PDE8A: variants seen among roughly 807,000 people sequenced by gnomAD.
PDE8A encodes high affinity cAMP-specific and IBMX-insensitive 3',5'-cyclic phosphodiesterase 8A.
PDE8A carries 59 observed loss-of-function variants against 105.0 expected under a neutral mutation model. That is an observed-to-expected ratio of 0.56 (90% confidence interval 0.46 to 0.70). PDE8A has a LOEUF of 0.70. Ranked by LOEUF, PDE8A falls within the 30% of genes least tolerant of loss-of-function variation. PDE8A has a pLI of 0.00. For missense variants in PDE8A, 1,014 were observed against 1,045.9 expected (o/e 0.97, Z 0.42); for synonymous variants, 355 against 371.9 (o/e 0.95, Z 0.52).
At chr15:85,011,261 A>C (rs768766174) in intron 1 of PDE8A, among the ~76,000 whole-genome samples, 1 of 152,222 alleles carries the variant, frequency 6.6e-6, no homozygotes, top group African/African-American at 2.4e-5. Context: ...CGAATTGAAG[A>C]TGAGACATTT....
chr15:85,108,133 CTT>C (rs1407717248), intron 11 of PDE8A, among the ~76,000 whole-genome samples: 1 of 152,180 alleles, frequency 6.6e-6, no homozygotes, highest in Non-Finnish European at 1.5e-5. Flanking sequence ...CACATTCACT[CTT>C]TAGTGCCCAC....
At chr15:85,039,551 A>T (rs2141391334) in intron 1 of PDE8A, among the ~76,000 whole-genome samples, 1 of 148,086 alleles carries the variant, frequency 6.8e-6, no homozygotes, top group African/African-American at 2.5e-5. Flanking sequence ...GGAGGTTCCT[A>T]AAAAAAAAAC....
chr15:85,104,472 G>A (rs190230742), intron 11 of PDE8A, among the ~76,000 whole-genome samples: 13 of 152,028 alleles, frequency 8.6e-5, no homozygotes, highest in Admixed American at 7.2e-4. Context: ...CAGGTCTTAG[G>A]AAGACAGTCA....
intron 17 of PDE8A, among the ~76,000 whole-genome samples, chr15:85,119,377 A>C (rs2082144330): frequency 6.8e-6 from 1 of 147,910 alleles, no homozygotes. Flanking sequence ...CTGAGGCAGG[A>C]GAATCACTTG....
At chr15:85,029,854 G>A (rs2141371401) in intron 1 of PDE8A, among the ~76,000 whole-genome samples, 1 of 152,296 alleles carries the variant, frequency 6.6e-6, no homozygotes, top group South Asian at 2.1e-4. Flanking sequence ...TGGAAGTCAA[G>A]TGTCACTCAT....
chr15:85,009,933 T>C (rs895064822), intron 1 of PDE8A, among the ~76,000 whole-genome samples: 4 of 152,230 alleles, frequency 2.6e-5, no homozygotes, highest in Non-Finnish European at 5.9e-5. Flanking sequence ...TGAAACACTT[T>C]ATAGCAATGG....
At chr15:85,131,262 T>G (rs1378167528) in intron 20 of PDE8A, among the ~76,000 whole-genome samples, 2 of 152,232 alleles carry the variant, frequency 1.3e-5, no homozygotes, top group Non-Finnish European at 2.9e-5. Flanking sequence ...GCTTTTGAGT[T>G]GAATCTATTT....
intron 19 of PDE8A, among the ~76,000 whole-genome samples, chr15:85,125,426 A>G (rs1043361045): frequency 7.9e-5 from 12 of 152,152 alleles, no homozygotes; most frequent in Non-Finnish European, 1.8e-4. Context: ...GTTCTATTAC[A>G]TCATAAATTG....
upstream of PDE8A, chr15:84,980,484 C>T (rs1033121696): frequency 1.3e-5 from 2 of 152,360 alleles, no homozygotes; most frequent in South Asian, 2.1e-4. Flanking sequence ...AGGGTCGCTC[C>T]AGGGCCGCGC....
At chr15:85,067,463 A>G (rs1745719938) in intron 3 of PDE8A, among the ~76,000 whole-genome samples, 1 of 152,226 alleles carries the variant, frequency 6.6e-6, no homozygotes, top group African/African-American at 2.4e-5. Context: ...AATGTAATTA[A>G]CCACAAGTAT....
rs2082441580 is a variant in PDE8A at position 85,138,092 on chromosome 15, A to G, written c.*189A>G. ...TCCAATGCCATTACTGTCAAGTGAGACTTGGCCACTGTAGCCTGGGCCTGC... is the reference window on the plus strand; with the variant it reads ...TCCAATGCCATTACTGTCAAGTGAGGCTTGGCCACTGTAGCCTGGGCCTGC... On this transcript the variant is annotated 3_prime_UTR_variant, in exon 22 of 22. Coordinates refer to ENST00000394553, the MANE Select transcript of PDE8A (RefSeq NM_002605.3). 4 of 527,612 alleles carry G rather than the reference A, an allele frequency of 7.6e-6. No individual in the cohort carries two copies. The highest frequency in any genetic ancestry group is 1.4e-5 in the Non-Finnish European group (4 of 295,296). The allele number at this position is 527,612 out of a possible 1,614,324, so 32.7% of individuals were successfully genotyped here. A position where few individuals can be genotyped will look rare whatever the true frequency, so the allele number is the denominator to read the frequency against.
chr15:85,107,178 A>C (rs1464530838), intron 11 of PDE8A, among the ~76,000 whole-genome samples: 1 of 152,220 alleles, frequency 6.6e-6, no homozygotes, highest in Non-Finnish European at 1.5e-5. Flanking sequence ...AACCAGGCGA[A>C]GAAGGTGGCA....
intron 1 of PDE8A, among the ~76,000 whole-genome samples, chr15:85,004,329 A>G (rs2080111602): frequency 6.6e-6 from 1 of 152,150 alleles, no homozygotes; most frequent in African/African-American, 2.4e-5. Flanking sequence ...AGGACATGGA[A>G]TTCATCTGGT....
At chr15:85,130,142 C>A (rs2082310757) in intron 20 of PDE8A, among the ~76,000 whole-genome samples, 1 of 152,112 alleles carries the variant, frequency 6.6e-6, no homozygotes, top group South Asian at 2.1e-4. Context: ...GGCAGGAGAG[C>A]AGGGGGAATT....
At chr15:85,011,143 T>C (rs1835651364) in intron 1 of PDE8A, among the ~76,000 whole-genome samples, 1 of 152,326 alleles carries the variant, frequency 6.6e-6, no homozygotes, top group African/African-American at 2.4e-5. Context: ...CTCTGAACTT[T>C]AGCTGTTCTT....
intron 2 of PDE8A, among the ~76,000 whole-genome samples, chr15:85,065,546 T>G (rs935676964): frequency 6.6e-6 from 1 of 151,858 alleles, no homozygotes; most frequent in African/African-American, 2.4e-5. Context: ...TCCCCGCACA[T>G]GAACATGTTT....
intron 20 of PDE8A, among the ~76,000 whole-genome samples, chr15:85,136,039 T>C (rs888667206): frequency 1.3e-5 from 2 of 152,042 alleles, no homozygotes; most frequent in Non-Finnish European, 2.9e-5. Context: ...AAAGAACAGA[T>C]CTTTTTCTTT....
chr15:85,111,620 C>T (rs1176431418), intron 12 of PDE8A, among the ~76,000 whole-genome samples: 2 of 152,170 alleles, frequency 1.3e-5, no homozygotes, highest in Non-Finnish European at 2.9e-5. Flanking sequence ...ATATCTGATA[C>T]CTGGTAGTAG....
intron 1 of PDE8A, among the ~76,000 whole-genome samples, chr15:85,002,364 T>C (rs1369221043): frequency 6.6e-6 from 1 of 152,168 alleles, no homozygotes; most frequent in Admixed American, 6.5e-5. Flanking sequence ...TATTAAAGGA[T>C]ACAAATGAAC....
Sources: gnomAD v4.1 joint callset for allele counts (sites outside exome capture counted in the v4.1 genomes callset) on GRCh38, gnomAD v4.1.1 for gene constraint, MANE v1.5 for transcripts, NCBI Gene and HGNC (gene_info 2026-07-23, HGNC 2026-07-21) for gene names.